Variants in LRRC8B observed in about 807,000 individuals in gnomAD.
LRRC8B encodes the protein volume-regulated anion channel subunit LRRC8B.
LRRC8B carries 23 observed loss-of-function variants against 58.8 expected under a neutral mutation model. That is an observed-to-expected ratio of 0.39 (90% CI 0.28 to 0.55). The LOEUF (loss-of-function observed/expected upper bound fraction) is 0.55, where lower values mean the gene tolerates loss of function less well. Ranked by LOEUF, LRRC8B falls within the 20% of genes least tolerant of loss-of-function variation. LRRC8B has a pLI of 0.62. For missense variants in LRRC8B, 694 were observed against 936.0 expected, an observed-to-expected ratio of 0.74 and a Z score of 3.37; for synonymous variants, 359 against 374.1, an observed-to-expected ratio of 0.96 and a Z score of 0.47.
In LRRC8B at chr1:89,584,020, C is replaced by T; in HGVS notation, c.1370C>T (p.Ser457Phe). The T allele has an allele frequency of 6.2e-7, 1 of 1,614,198 alleles. No homozygotes were observed. Among genetic ancestry groups the T allele is most frequent in the Non-Finnish European group, 8.5e-7 (1 of 1,180,028 alleles). Residue 457 changes from serine to phenylalanine, a missense_variant, in exon 5 of 6, where the codon TCT (serine) becomes TTT (phenylalanine). Coordinates refer to ENST00000330947, the MANE Select transcript of LRRC8B (RefSeq NM_001369817.2). ...LELIPEVKLP[S>F]AVSQLVNLKE... is the part of the protein sequence containing the mutation. ...CTTATCCCAGAGGTGAAGCTGCCCT[C>T]TGCAGTCTCACAGCTGGTCAACCTC...
intron 1 of LRRC8B, among the ~76,000 whole-genome samples, chr1:89,533,047 C>G (rs1331915183): frequency 6.6e-6 from 1 of 152,166 alleles, no homozygotes; most frequent in Non-Finnish European, 1.5e-5. Flanking sequence ...CCTCTACAGC[C>G]CCTTTCCTGC....
intron 3 of LRRC8B, among the ~76,000 whole-genome samples, chr1:89,570,047 G>A (rs191665490): frequency 6.6e-6 from 1 of 152,224 alleles, no homozygotes; most frequent in Admixed American, 6.5e-5. Flanking sequence ...CAAAGGACAT[G>A]ATACCATTCT....
chr1:89,530,796 A>G (rs1449203010), intron 1 of LRRC8B, among the ~76,000 whole-genome samples: 1 of 152,068 alleles, frequency 6.6e-6, no homozygotes, highest in Non-Finnish European at 1.5e-5. Flanking sequence ...GTACCTTTCC[A>G]TTTTGCACAG....
chr1:89,562,147 C>CAA (rs1426888719), intron 1 of LRRC8B, among the ~76,000 whole-genome samples: 1 of 76,100 alleles, frequency 1.3e-5, no homozygotes, highest in African/African-American at 3.9e-5. Flanking sequence ...AACCACCTCC[C>CAA]AAAACACACA....
chr1:89,548,177 A>AT (rs34473704), intron 1 of LRRC8B, among the ~76,000 whole-genome samples: 5 of 152,180 alleles, frequency 3.3e-5, no homozygotes, highest in Non-Finnish European at 7.3e-5. Flanking sequence ...AAATAACTAT[A>AT]TTTTTTTCTA....
At chr1:89,555,723 C>T (rs1472478391) in intron 1 of LRRC8B, among the ~76,000 whole-genome samples, 2 of 152,198 alleles carry the variant, frequency 1.3e-5, no homozygotes, top group Admixed American at 6.5e-5. Flanking sequence ...GCATCAGTGA[C>T]TTAAACGACT....
intron 1 of LRRC8B, among the ~76,000 whole-genome samples, chr1:89,567,008 C>A (rs1250521676): frequency 6.6e-6 from 1 of 152,128 alleles, no homozygotes; most frequent in Non-Finnish European, 1.5e-5. Flanking sequence ...TGTCCTTCCT[C>A]TGGAGAGAGA....
At chr1:89,561,650 T>C (rs1426442601) in intron 1 of LRRC8B, among the ~76,000 whole-genome samples, 1 of 117,240 alleles carries the variant, frequency 8.5e-6, no homozygotes, top group Non-Finnish European at 1.8e-5. Context: ...AGGGAATCCT[T>C]TCCCCATTGC....
intron 1 of LRRC8B, among the ~76,000 whole-genome samples, chr1:89,534,356 C>T (rs948159285): frequency 6.6e-6 from 1 of 152,088 alleles, no homozygotes; most frequent in Non-Finnish European, 1.5e-5. Context: ...TCACATCATC[C>T]GTTTAAGAAA....
At chr1:89,533,371 A>G (rs962581518) in intron 1 of LRRC8B, among the ~76,000 whole-genome samples, 2 of 152,170 alleles carry the variant, frequency 1.3e-5, no homozygotes, top group Non-Finnish European at 2.9e-5. Flanking sequence ...TGTCCCATGG[A>G]CACAGTGTGC....
Position 89,582,925 on chromosome 1 carries a change from G to T in LRRC8B, c.275G>T (p.Arg92Leu), listed in dbSNP as rs755825664. Residue 92 changes from arginine (R) to leucine (L), a missense_variant, in exon 5 of 6, where the codon CGA becomes CTA. Coordinates refer to ENST00000330947, the MANE Select transcript of LRRC8B (RefSeq NM_001369817.2). ...GGGACACCGCTTCCGCTCCCCCTCCGAATTCAGAATGACCTCCACCGACAG... is the reference window on the plus strand; with the variant it reads ...GGGACACCGCTTCCGCTCCCCCTCCTAATTCAGAATGACCTCCACCGACAG... ...NPGTPLPLPL[R>L]IQNDLHRQQY... is the part of the protein sequence containing the mutation. 15 of 1,613,948 alleles carry T rather than the reference G, an allele frequency of 9.3e-6. No individual in the cohort carries two copies. Among genetic ancestry groups the T allele is most frequent in the Non-Finnish European group, 1.3e-5 (15 of 1,180,008 alleles).
chr1:89,563,562 T>A (rs1241285094), intron 1 of LRRC8B, among the ~76,000 whole-genome samples: 1 of 152,180 alleles, frequency 6.6e-6, no homozygotes, highest in East Asian at 1.9e-4. Flanking sequence ...TGGTGAGAAC[T>A]GGCATGGAAA....
At chr1:89,585,606 A>G (rs1654561592) in intron 5 of LRRC8B, among the ~76,000 whole-genome samples, 1 of 152,148 alleles carries the variant, frequency 6.6e-6, no homozygotes, top group African/African-American at 2.4e-5. Context: ...ACATTCCTCT[A>G]CTTGAAAATG....
chr1:89,570,911 C>T (rs1284311275), intron 3 of LRRC8B, among the ~76,000 whole-genome samples: 1 of 152,080 alleles, frequency 6.6e-6, no homozygotes, highest in Non-Finnish European at 1.5e-5. Context: ...AGGAAGGGGT[C>T]CAGTTTTAAT....
At chr1:89,555,825 G>A (rs1346982531) in intron 1 of LRRC8B, among the ~76,000 whole-genome samples, 2 of 152,176 alleles carry the variant, frequency 1.3e-5, no homozygotes, top group African/African-American at 2.4e-5. Context: ...ATAAGAATTC[G>A]CTCTCCTGTG....
rs1194653053 is a variant in LRRC8B at position 89,593,655 on chromosome 1, C to G, written c.*612C>G. ...CTAAATTCCTCCTTGCAGTGTTTAC[C>G]TTCAAGATTGTATAGGTATTCTCTC... On this transcript the variant is annotated 3_prime_UTR_variant, in exon 6 of 6. Coordinates refer to ENST00000330947, the MANE Select transcript of LRRC8B (RefSeq NM_001369817.2). 6.6e-6 allele frequency: 1 copy of G among 152,188 alleles called. No individual in the cohort carries two copies. Among genetic ancestry groups the G allele is most frequent in the Non-Finnish European group, 1.5e-5 (1 of 68,092 alleles). The allele number at this position is 152,188 out of a possible 1,614,324, so 9.4% of individuals were successfully genotyped here.
In LRRC8B at chr1:89,527,385, A is replaced by G. The variant is rs1346905403; in HGVS notation, c.-241+2363A>G. ...CCCTGATATTATTAGAAATGAATGC[A>G]TTCTGATTCTGTCATGTTATTACAC... On this transcript the variant is annotated intron_variant, in intron 1 of 5. Coordinates refer to ENST00000330947, the MANE Select transcript of LRRC8B (RefSeq NM_001369817.2). Among the ~76,000 whole-genome samples, 4 of 152,198 alleles carry G rather than the reference A, an allele frequency of 2.6e-5. No homozygotes were observed. In the East Asian group the frequency reaches 7.7e-4, roughly 29 times the overall value.
rs192361759 is a variant in LRRC8B at position 89,584,726 on chromosome 1, C to T, written c.2076C>T (p.Thr692=). Residue 692 remains threonine (T), a synonymous_variant, in exon 5 of 6, where the codon ACC becomes ACT. Transcript: ENST00000330947. ...HYLDLSYNHL[T]FIPEEIQYLS... is the part of the protein sequence containing the mutation. ...TGGATCTAAGCTATAACCACTTGAC[C>T]TTCATTCCAGAAGAAATCCAGTATC... 1.9e-6 allele frequency: 3 copies of T among 1,613,044 alleles called. No individual in the cohort carries two copies. The highest frequency in any genetic ancestry group is 2.5e-6 in the Non-Finnish European group (3 of 1,179,712).
intron 1 of LRRC8B, among the ~76,000 whole-genome samples, chr1:89,530,871 C>T (rs570607433): frequency 2.6e-5 from 4 of 152,208 alleles, no homozygotes; most frequent in East Asian, 3.9e-4. Flanking sequence ...TTCTCCTTGC[C>T]GTGTCCTGCT....
Sources: allele counts gnomAD v4.1 joint callset (sites outside exome capture counted in the v4.1 genomes callset), GRCh38; gene constraint gnomAD v4.1.1; transcripts MANE v1.5; gene names NCBI Gene and HGNC (gene_info 2026-07-23, HGNC 2026-07-21).